Variants in BACH2 observed in about 807,000 individuals in gnomAD.
BACH2 encodes the protein BACH transcriptional regulator 2.
Under a neutral mutation model 61.8 loss-of-function variants are expected in BACH2, and 5 were observed. That is an observed-to-expected ratio of 0.08 (90% confidence interval 0.04 to 0.17). The LOEUF (loss-of-function observed/expected upper bound fraction) is 0.17. Ranked by LOEUF, BACH2 falls within the 10% of genes least tolerant of loss-of-function variation. BACH2 has a pLI of 1.00. For synonymous variants in BACH2, 446 were observed against 440.1 expected (o/e 1.01, Z -0.17); for missense variants, 824 against 1,091.1 (o/e 0.76, Z 3.45).
At chr6:90,163,439 T>C (rs4053599) in intron 4 of BACH2, among the ~76,000 whole-genome samples, 4,874 of 152,300 alleles carry the variant, frequency 0.032, 259 homozygotes, top group African/African-American at 0.11. Context: ...CTGCTTAACA[T>C]CCTGCCCCAC....
chr6:89,943,973 G>A (rs373981435), intron 7 of BACH2, among the ~76,000 whole-genome samples: 6 of 152,340 alleles, frequency 3.9e-5, no homozygotes, highest in East Asian at 1.9e-4. Flanking sequence ...TGATTCCAGT[G>A]CTGCTGGAAC....
intron 5 of BACH2, among the ~76,000 whole-genome samples, chr6:90,044,894 C>T (rs1281522349): frequency 1.3e-5 from 2 of 152,104 alleles, no homozygotes; most frequent in East Asian, 3.9e-4. Context: ...GATATGACAA[C>T]TTTGAGGAGT....
intron 6 of BACH2, among the ~76,000 whole-genome samples, chr6:89,999,065 T>C (rs1451239378): frequency 6.6e-6 from 1 of 152,226 alleles, no homozygotes; most frequent in Admixed American, 6.5e-5. Flanking sequence ...CTCTGAGTAT[T>C]TTGGTGTGGA....
intron 5 of BACH2, among the ~76,000 whole-genome samples, chr6:90,049,654 C>A (rs1360733910): frequency 6.6e-6 from 1 of 152,178 alleles, no homozygotes; most frequent in Non-Finnish European, 1.5e-5. Context: ...ACTATCAGTT[C>A]TTCACTACCA....
chr6:90,153,448 T>A (rs1380647780), intron 4 of BACH2, among the ~76,000 whole-genome samples: 1 of 152,212 alleles, frequency 6.6e-6, no homozygotes, highest in Non-Finnish European at 1.5e-5. Context: ...GTAGAAAATC[T>A]GATTCCTTCA....
chr6:90,084,316 C>T (rs1781839636), intron 5 of BACH2, among the ~76,000 whole-genome samples: 1 of 151,738 alleles, frequency 6.6e-6, no homozygotes, highest in African/African-American at 2.4e-5. Context: ...GTCTCGGTGA[C>T]TGCTGGTTTG....
At chr6:90,086,580 C>T (rs1003589328) in intron 5 of BACH2, among the ~76,000 whole-genome samples, 1 of 152,118 alleles carries the variant, frequency 6.6e-6, no homozygotes, top group African/African-American at 2.4e-5. Flanking sequence ...TGACTGAACG[C>T]TCGTCCAAAG....
At chr6:90,152,914 T>C (rs746478327) in intron 4 of BACH2, among the ~76,000 whole-genome samples, 4 of 152,182 alleles carry the variant, frequency 2.6e-5, no homozygotes, top group Non-Finnish European at 5.9e-5. Context: ...TTAGCTGCTT[T>C]TGGCATCCTA....
At chr6:90,104,185 A>G (rs1782797929) in intron 4 of BACH2, among the ~76,000 whole-genome samples, 1 of 152,212 alleles carries the variant, frequency 6.6e-6, no homozygotes, top group South Asian at 2.1e-4. Flanking sequence ...TGAGTGATGT[A>G]TCCCCCAAAA....
At chr6:89,937,096 A>G (rs1481492407) in intron 8 of BACH2, among the ~76,000 whole-genome samples, 1 of 151,928 alleles carries the variant, frequency 6.6e-6, no homozygotes, top group Admixed American at 6.6e-5. Flanking sequence ...CATAGCTCTG[A>G]GTATGGGGGA....
intron 4 of BACH2, among the ~76,000 whole-genome samples, chr6:90,168,506 T>C (rs543330570): frequency 1.4e-4 from 22 of 152,230 alleles, no homozygotes; most frequent in East Asian, 1.2e-3. Context: ...AAGAAAACAA[T>C]AGGTTTCAAA....
intron 4 of BACH2, among the ~76,000 whole-genome samples, chr6:90,176,072 G>A (rs778821995): frequency 1.5e-4 from 23 of 152,188 alleles, no homozygotes; most frequent in Non-Finnish European, 2.8e-4. Context: ...TGACTAACAC[G>A]GGTGTTTTCC....
At chr6:90,099,308 T>C (rs1209814382) in intron 4 of BACH2, among the ~76,000 whole-genome samples, 1 of 152,244 alleles carries the variant, frequency 6.6e-6, no homozygotes, top group East Asian at 1.9e-4. Flanking sequence ...TAGCTGACTT[T>C]GGCCAAGCAA....
intron 5 of BACH2, among the ~76,000 whole-genome samples, chr6:90,016,451 CTTT>C (rs1436540097): frequency 6.6e-6 from 1 of 152,028 alleles, no homozygotes; most frequent in Non-Finnish European, 1.5e-5. Flanking sequence ...TAATATGCTT[CTTT>C]AAGTTATCAC....
intron 5 of BACH2, among the ~76,000 whole-genome samples, chr6:90,068,379 A>G (rs925631096): frequency 2.0e-5 from 3 of 152,234 alleles, no homozygotes; most frequent in African/African-American, 7.2e-5. Flanking sequence ...TTTTACAATA[A>G]AAGTCCTTAC....
At chr6:90,086,141 T>C (rs556466796) in intron 5 of BACH2, among the ~76,000 whole-genome samples, 1 of 152,308 alleles carries the variant, frequency 6.6e-6, no homozygotes, top group South Asian at 2.1e-4. Context: ...CTCCATGTCG[T>C]TAGCATGTGT....
At chr6:90,087,481 C>T (rs1347194207) in intron 5 of BACH2, among the ~76,000 whole-genome samples, 1 of 152,156 alleles carries the variant, frequency 6.6e-6, no homozygotes, top group Non-Finnish European at 1.5e-5. Flanking sequence ...TACACATGTA[C>T]ATTTGTATGT....
intron 1 of BACH2, among the ~76,000 whole-genome samples, chr6:90,281,883 C>G (rs141250604): frequency 6.6e-6 from 1 of 152,046 alleles, no homozygotes; most frequent in East Asian, 1.9e-4. Flanking sequence ...CTAAGGTACA[C>G]TGAAGTTCAG....
chr6:90,093,102 G>T (rs1181313800), intron 4 of BACH2, among the ~76,000 whole-genome samples: 1 of 152,188 alleles, frequency 6.6e-6, no homozygotes, highest in Non-Finnish European at 1.5e-5. Context: ...TTGGGCATTG[G>T]AAAGAAATAC....
Sources: allele counts gnomAD v4.1 joint callset (sites outside exome capture counted in the v4.1 genomes callset), GRCh38; gene constraint gnomAD v4.1.1; transcripts MANE v1.5; gene names NCBI Gene and HGNC (gene_info 2026-07-23, HGNC 2026-07-21).